The following EPHB2 variants were observed in gnomAD, a reference collection of about 807,000 sequenced individuals.
EPHB2 encodes the protein EPH receptor B2, also known as ephrin type-B receptor 2.
A neutral mutation model predicts 96.4 loss-of-function variants in EPHB2; 18 were observed. That is an observed-to-expected ratio of 0.19 (90% CI 0.13 to 0.28). The LOEUF is 0.28. EPHB2 is among the 10% of genes least tolerant of loss of function. The pLI is 1.00. For synonymous variants in EPHB2, 506 were observed against 534.1 expected, an observed-to-expected ratio of 0.95 and a Z score of 0.72; for missense variants, 989 against 1,355.4, an observed-to-expected ratio of 0.73 and a Z score of 4.25.
chr1:22,883,316 G>C (rs1639112023), intron 6 of EPHB2, among the ~76,000 whole-genome samples: 1 of 152,220 alleles, frequency 6.6e-6, no homozygotes, highest in African/African-American at 2.4e-5. Context: ...TGACAGGATG[G>C]GAGGCCAAGT....
In EPHB2 at chr1:22,886,353, G is replaced by A. The variant is rs72871599; in HGVS notation, c.1428+3870G>A. Among the ~76,000 whole-genome samples, 830 of 152,306 alleles carry A rather than the reference G, an allele frequency of 5.4e-3. 8 individuals carry two copies. Among genetic ancestry groups the A allele is most frequent in the African/African-American group, 0.019 (792 of 41,562 alleles). The stretch of plus-strand genomic sequence containing the variant: ...GGAGCATCAGGGGAGGAGGTTGGGA[G>A]GGAGGCTGGGCTAATTGTCAAGGGC... On this transcript the variant is annotated intron_variant, in intron 6 of 15. Transcript: ENST00000374630.
Position 22,913,660 on chromosome 1 carries a change from C to T in EPHB2, c.*90C>T. 6.2e-7 allele frequency: 1 copy of T among 1,603,018 alleles called. No individual in the cohort carries two copies. Among genetic ancestry groups the T allele is most frequent in the Non-Finnish European group, 8.5e-7 (1 of 1,174,964 alleles). ...TCCTGGTGCTCTATCCACTGCAGGG[C>T]CAGCCACTCGCCAGGAGGCCACGGG... On this transcript the variant is annotated 3_prime_UTR_variant, in exon 16 of 16. Transcript: ENST00000374630. This position sits in a 1 kb window ranked among gnomAD's most constrained non-coding sequence, Gnocchi z 4.1.
At chr1:22,750,847 CAGAG>C (rs1644051412) in intron 1 of EPHB2, among the ~76,000 whole-genome samples, 1 of 152,204 alleles carries the variant, frequency 6.6e-6, no homozygotes, top group African/African-American at 2.4e-5. Context: ...AGCTGATACA[CAGAG>C]AGGTTGAGTA....
At chr1:22,896,281 A>T in intron 8 of EPHB2, 133 bp from the exon 9 acceptor site, 1 of 1,080,282 alleles carries the variant, frequency 9.3e-7, no homozygotes, top group Non-Finnish European at 1.4e-6. Context: ...TGGGGCCAAA[A>T]GGGGCAGGCA....
At position 22,916,493 on chromosome 1, in the gene EPHB2, T is replaced by A. The variant is rs1640270321; in HGVS notation, c.*2923T>A. ...GGGTACAGGCGCTGCTCACATCTCT[T>A]CCACCCCCACCCACCCACCCCACCC... On this transcript the variant is annotated 3_prime_UTR_variant, in exon 16 of 16. Coordinates refer to ENST00000374630, the MANE Select transcript of EPHB2 (RefSeq NM_017449.5). This position sits in a 1 kb window ranked among gnomAD's most constrained non-coding sequence, Gnocchi z 4.2. The A allele has an allele frequency of 6.6e-6, 1 of 150,642 alleles. No homozygotes were observed. 9.3% of individuals were successfully genotyped at this position (150,642 alleles called of 1,614,324 possible).
At chr1:22,848,287 T>G (rs570959414) in intron 3 of EPHB2, among the ~76,000 whole-genome samples, 7 of 152,132 alleles carry the variant, frequency 4.6e-5, no homozygotes, top group Admixed American at 4.6e-4. Context: ...TGTGTGCCCG[T>G]GACTGCTGCT....
chr1:22,847,558 G>T (rs931753510), intron 3 of EPHB2, among the ~76,000 whole-genome samples: 2 of 152,316 alleles, frequency 1.3e-5, no homozygotes, highest in Admixed American at 1.3e-4. Flanking sequence ...GGGGGAGAGG[G>T]CCATCTGAGG....
At chr1:22,776,497 G>A (rs1349055255) in intron 1 of EPHB2, among the ~76,000 whole-genome samples, 2 of 152,210 alleles carry the variant, frequency 1.3e-5, no homozygotes, top group South Asian at 2.1e-4. Flanking sequence ...GTCACAGTGG[G>A]GATGGAGATA....
chr1:22,761,504 G>T (rs1644235613), intron 1 of EPHB2, among the ~76,000 whole-genome samples: 1 of 152,188 alleles, frequency 6.6e-6, no homozygotes, highest in Non-Finnish European at 1.5e-5. Flanking sequence ...TTGGAGCCAT[G>T]TCCACACAGA....
chr1:22,728,479 C>G (rs779153542), intron 1 of EPHB2, among the ~76,000 whole-genome samples: 1 of 152,226 alleles, frequency 6.6e-6, no homozygotes, highest in Non-Finnish European at 1.5e-5. Context: ...TTTGTGGGGC[C>G]CCACAGCCTG....
intron 3 of EPHB2, among the ~76,000 whole-genome samples, chr1:22,812,700 T>C (rs1268132966): frequency 6.6e-6 from 1 of 152,190 alleles, no homozygotes; most frequent in Non-Finnish European, 1.5e-5. Flanking sequence ...AAAATGGGCA[T>C]AGTAACAGCT....
At chr1:22,825,967 A>G (rs937483295) in intron 3 of EPHB2, among the ~76,000 whole-genome samples, 1 of 152,160 alleles carries the variant, frequency 6.6e-6, no homozygotes, top group Non-Finnish European at 1.5e-5. Flanking sequence ...CTGGGAGCTA[A>G]GAGTGCAGGG....
chr1:22,881,051 A>G (rs1391521420), intron 5 of EPHB2, among the ~76,000 whole-genome samples: 1 of 151,456 alleles, frequency 6.6e-6, no homozygotes, highest in Non-Finnish European at 1.5e-5. Flanking sequence ...GCAGGAGGGG[A>G]TCACTTAAGC....
In EPHB2 at chr1:22,913,649, C is replaced by G; in HGVS notation, c.*79C>G. On this transcript the variant is annotated 3_prime_UTR_variant, in exon 16 of 16. Coordinates refer to ENST00000374630, the MANE Select transcript of EPHB2 (RefSeq NM_017449.5). The surrounding 1 kb of genome is among the most constrained non-coding windows in gnomAD (Gnocchi z 4.1). Reference sequence around the variant, plus strand: ...CGTGCCGGCCCTCCTGGTGCTCTATCCACTGCAGGGCCAGCCACTCGCCAG... The same window carrying G: ...CGTGCCGGCCCTCCTGGTGCTCTATGCACTGCAGGGCCAGCCACTCGCCAG... The G allele has an allele frequency of 6.2e-7, 1 of 1,602,078 alleles. No individual in the cohort carries two copies. The highest frequency in any genetic ancestry group is 8.5e-7 in the Non-Finnish European group (1 of 1,174,716).
intron 3 of EPHB2, among the ~76,000 whole-genome samples, chr1:22,851,587 G>C (rs1371212989): frequency 6.6e-6 from 1 of 152,224 alleles, no homozygotes; most frequent in African/African-American, 2.4e-5. Flanking sequence ...CCTTAGGCAA[G>C]TCCCTGTCCC....
chr1:22,782,293 G>T (rs1644544360), intron 2 of EPHB2, among the ~76,000 whole-genome samples: 1 of 152,126 alleles, frequency 6.6e-6, no homozygotes, highest in Admixed American at 6.5e-5. Flanking sequence ...CATAGATTGG[G>T]CTCCCAGTCA....
chr1:22,892,784 C>A, intron 6 of EPHB2, 100 bp from the exon 7 acceptor site: 1 of 1,453,080 alleles, frequency 6.9e-7, no homozygotes, highest in Non-Finnish European at 9.7e-7. Context: ...GATGTTTATC[C>A]AATGGCCAGA....
At position 22,841,887 on chromosome 1, in the gene EPHB2, C is replaced by A. The variant is rs557816925; in HGVS notation, c.812-21150C>A. The stretch of plus-strand genomic sequence containing the variant: ...TACAGACAGTGTAACATTTTGATTC[C>A]CTGGCAAAGACACATCCCTGGCCTC... On this transcript the variant is annotated intron_variant, in intron 3 of 15. Coordinates refer to ENST00000374630, the MANE Select transcript of EPHB2 (RefSeq NM_017449.5). 2.6e-5 allele frequency among the ~76,000 whole-genome samples: 4 copies of A among 152,244 alleles called. No individual in the cohort carries two copies. In the South Asian group the frequency reaches 8.3e-4, roughly 32 times the overall value.
chr1:22,760,234 A>G (rs546150836), intron 1 of EPHB2, among the ~76,000 whole-genome samples: 4 of 151,918 alleles, frequency 2.6e-5, no homozygotes, highest in African/African-American at 9.6e-5. Flanking sequence ...CGCATGGAGG[A>G]TGGGGTGGAG....
Sources: allele counts gnomAD v4.1 joint callset (sites outside exome capture counted in the v4.1 genomes callset), GRCh38; gene constraint gnomAD v4.1.1; non-coding constraint Gnocchi (gnomAD v3.1); transcripts MANE v1.5; gene names NCBI Gene and HGNC (gene_info 2026-07-23, HGNC 2026-07-21).